Variants in PCDH15 observed in about 807,000 individuals in gnomAD.
The protein encoded by PCDH15 is protocadherin related 15.
A neutral mutation model predicts 178.5 loss-of-function variants in PCDH15; 129 were observed. The observed-to-expected ratio is 0.72, with a 90% CI of 0.63 to 0.84. The LOEUF is 0.84. PCDH15 is among the 40% of genes least tolerant of loss of function. PCDH15 has a pLI of 0.00. For synonymous variants in PCDH15, 800 were observed against 732.0 expected (o/e 1.09, Z -1.50); for missense variants, 2,230 against 2,099.9 (o/e 1.06, Z -1.21).
chr10:54,400,059 A>G (rs1951743918), intron 3 of PCDH15, among the ~76,000 whole-genome samples: 1 of 152,122 alleles, frequency 6.6e-6, no homozygotes, highest in African/African-American at 2.4e-5. Context: ...GTTGACACCC[A>G]GGTTCTAAGG....
chr10:55,597,828 C>T (rs1842965622), intron 2 of PCDH15, among the ~76,000 whole-genome samples: 2 of 152,036 alleles, frequency 1.3e-5, no homozygotes, highest in Non-Finnish European at 2.9e-5. Context: ...GTTAATGTAG[C>T]TTAATTATTT....
intron 2 of PCDH15, among the ~76,000 whole-genome samples, chr10:55,577,240 CAAAACAAAACA>C (rs1004671503): frequency 1.3e-5 from 2 of 151,928 alleles, no homozygotes; most frequent in African/African-American, 4.8e-5. Flanking sequence ...GACTCCATCT[CAAAACAAAACA>C]AAAAGGAAAC....
At chr10:54,322,157 C>T (rs2061651023) in intron 7 of PCDH15, among the ~76,000 whole-genome samples, 1 of 151,814 alleles carries the variant, frequency 6.6e-6, no homozygotes, top group African/African-American at 2.4e-5. Flanking sequence ...TACTACTGCT[C>T]AAGGCTCTTC....
At chr10:55,267,034 A>G (rs775499439) in intron 1 of PCDH15, among the ~76,000 whole-genome samples, 4 of 152,124 alleles carry the variant, frequency 2.6e-5, no homozygotes, top group Non-Finnish European at 4.4e-5. Context: ...CACAGATGCA[A>G]GCTGCACTAC....
At chr10:54,376,959 G>T (rs1416673131) in intron 4 of PCDH15, among the ~76,000 whole-genome samples, 2 of 151,828 alleles carry the variant, frequency 1.3e-5, no homozygotes, top group African/African-American at 4.8e-5. Flanking sequence ...CAAAATAGGA[G>T]ATTCATTTTT....
chr10:53,820,709 T>C (rs985394925), intron 32 of PCDH15, among the ~76,000 whole-genome samples: 13 of 151,948 alleles, frequency 8.6e-5, no homozygotes, highest in African/African-American at 3.1e-4. Flanking sequence ...CATTATATAC[T>C]AATATTGAAA....
chr10:55,505,272 A>G, intron 2 of PCDH15, among the ~76,000 whole-genome samples: 1 of 151,384 alleles, frequency 6.6e-6, no homozygotes, highest in South Asian at 2.1e-4. Context: ...AGCAATTAAG[A>G]GCTATTAAAG....
intron 21 of PCDH15, among the ~76,000 whole-genome samples, chr10:53,980,911 A>G (rs2090585442): frequency 6.6e-6 from 1 of 152,212 alleles, no homozygotes; most frequent in African/African-American, 2.4e-5. Context: ...GATTGGGGGT[A>G]GTATGTAACT....
At chr10:55,582,626 A>ATTT (rs1413632977) in intron 2 of PCDH15, among the ~76,000 whole-genome samples, 168 of 61,206 alleles carry the variant, frequency 2.7e-3, no homozygotes, top group East Asian at 8.1e-3. Flanking sequence ...ATATATATAT[A>ATTT]TATTTTTTTT....
chr10:55,085,952 T>A (rs1842158655), intron 2 of PCDH15, among the ~76,000 whole-genome samples: 2 of 151,734 alleles, frequency 1.3e-5, no homozygotes, highest in Non-Finnish European at 3.0e-5. Context: ...TATTCTTATA[T>A]CATCTATCAA....
intron 21 of PCDH15, among the ~76,000 whole-genome samples, chr10:53,990,463 AAAG>A (rs1165102014): frequency 6.7e-6 from 1 of 150,300 alleles, no homozygotes; most frequent in Non-Finnish European, 1.5e-5. Context: ...AAGCCTGAAA[AAAG>A]AAGTCTTAAA....
intron 2 of PCDH15, among the ~76,000 whole-genome samples, chr10:55,422,733 G>A (rs1838653328): frequency 6.6e-6 from 1 of 151,748 alleles, no homozygotes; most frequent in South Asian, 2.1e-4. Context: ...GTTGTGCTCG[G>A]CATGGGAAGA....
At position 54,092,733 on chromosome 10, in the gene PCDH15, C is replaced by T. The variant is rs376632024; in HGVS notation, c.1918-2670G>A. On this transcript the variant is annotated intron_variant, in intron 15 of 37. Transcript: ENST00000644397. The stretch of plus-strand genomic sequence containing the variant: ...AGGAACCACAAATAATGATACTCAG[C>T]TAACATTTTGAAGAATCAGAGAATT... Among the ~76,000 whole-genome samples the T allele has an allele frequency of 2.0e-4, 31 of 152,156 alleles. No individual in the cohort carries two copies. In the East Asian group the frequency reaches 2.1e-3, roughly 10 times the overall value.
chr10:53,901,483 T>G (rs1240391713), intron 26 of PCDH15, among the ~76,000 whole-genome samples: 1 of 152,112 alleles, frequency 6.6e-6, no homozygotes, highest in Non-Finnish European at 1.5e-5. Flanking sequence ...CCGTCAAATT[T>G]TTCCTGGACT....
At chr10:54,649,753 G>T (rs2094212420) in intron 2 of PCDH15, among the ~76,000 whole-genome samples, 1 of 152,004 alleles carries the variant, frequency 6.6e-6, no homozygotes, top group Non-Finnish European at 1.5e-5. Flanking sequence ...ATGCAAAAAA[G>T]GTACACTGTG....
At chr10:54,840,240 C>T (rs1212518581) in intron 3 of PCDH15, among the ~76,000 whole-genome samples, 2 of 151,758 alleles carry the variant, frequency 1.3e-5, no homozygotes, top group African/African-American at 4.8e-5. Flanking sequence ...AAAATAACTA[C>T]AACTACAATC....
At chr10:54,012,292 T>C (rs1293247642) in intron 20 of PCDH15, among the ~76,000 whole-genome samples, 1 of 151,894 alleles carries the variant, frequency 6.6e-6, no homozygotes, top group Non-Finnish European at 1.5e-5. Context: ...TATGGGATTA[T>C]GTGAAGAGAC....
chr10:55,358,942 A>C (rs1161808027), intron 2 of PCDH15, among the ~76,000 whole-genome samples: 3 of 152,142 alleles, frequency 2.0e-5, no homozygotes, highest in Non-Finnish European at 4.4e-5. Flanking sequence ...CTGTAGTCCC[A>C]GCGCTTTAAG....
intron 1 of PCDH15, among the ~76,000 whole-genome samples, chr10:54,689,406 C>T (rs1025804778): frequency 6.6e-6 from 1 of 152,034 alleles, no homozygotes; most frequent in Non-Finnish European, 1.5e-5. Flanking sequence ...TGTTGATCTC[C>T]AAACCAGTCA....
Sources: allele counts gnomAD v4.1 joint callset (sites outside exome capture counted in the v4.1 genomes callset), GRCh38; gene constraint gnomAD v4.1.1; transcripts MANE v1.5; gene names NCBI Gene and HGNC (gene_info 2026-07-23, HGNC 2026-07-21).